Variants in PCDH15 observed in about 807,000 individuals in gnomAD.
PCDH15 encodes protocadherin related 15, also known as protocadherin-15.
A neutral mutation model predicts 178.5 loss-of-function variants in PCDH15; 129 were observed. The ratio of observed to expected loss-of-function variants is 0.72; its 90% CI spans 0.63 to 0.84. PCDH15 has a LOEUF of 0.84. Among genes scored for constraint, PCDH15 ranks in the 40% least tolerant of loss-of-function variants. The pLI is 0.00. For synonymous variants in PCDH15, 800 were observed against 732.0 expected, an observed-to-expected ratio of 1.09 and a Z score of -1.50; for missense variants, 2,230 against 2,099.9, an observed-to-expected ratio of 1.06 and a Z score of -1.21.
At chr10:54,094,848 G>T (rs977372193) in intron 15 of PCDH15, among the ~76,000 whole-genome samples, 1 of 152,094 alleles carries the variant, frequency 6.6e-6, no homozygotes, top group African/African-American at 2.4e-5. Context: ...ATTACTTGCA[G>T]CATCTGACTT....
chr10:54,019,492 A>G (rs1305887273), intron 20 of PCDH15, among the ~76,000 whole-genome samples: 1 of 152,096 alleles, frequency 6.6e-6, no homozygotes, highest in Non-Finnish European at 1.5e-5. Flanking sequence ...AAAGTTTAAG[A>G]TGACGCTCAG....
chr10:54,551,458 T>C (rs2086604570), intron 2 of PCDH15, among the ~76,000 whole-genome samples: 2 of 152,024 alleles, frequency 1.3e-5, no homozygotes, highest in South Asian at 4.1e-4. Context: ...TGAAGCTCAT[T>C]AAAATAAAAT....
At chr10:54,005,250 G>A (rs1030796690) in intron 20 of PCDH15, among the ~76,000 whole-genome samples, 2 of 152,058 alleles carry the variant, frequency 1.3e-5, no homozygotes, top group African/African-American at 4.8e-5. Flanking sequence ...GATAGGACTA[G>A]GCAAAGATTT....
chr10:54,448,398 A>G (rs2136251468), intron 3 of PCDH15, among the ~76,000 whole-genome samples: 1 of 151,786 alleles, frequency 6.6e-6, no homozygotes, highest in Middle Eastern at 3.4e-3. Context: ...TTATTTTCCC[A>G]AGTAAGCTGA....
At chr10:54,330,395 T>C (rs1484026570) in intron 6 of PCDH15, among the ~76,000 whole-genome samples, 1 of 151,912 alleles carries the variant, frequency 6.6e-6, no homozygotes, top group Non-Finnish European at 1.5e-5. Context: ...TGTAACACAA[T>C]GGTCAGTATT....
At chr10:54,617,752 A>G (rs1411139821) in intron 2 of PCDH15, among the ~76,000 whole-genome samples, 4 of 96,204 alleles carry the variant, frequency 4.2e-5, no homozygotes. Context: ...AACTCTAAAA[A>G]TACAAAAAAA....
intron 5 of PCDH15, among the ~76,000 whole-genome samples, chr10:54,359,105 A>G (rs1045548893): frequency 6.6e-6 from 1 of 151,866 alleles, no homozygotes; most frequent in Admixed American, 6.6e-5. Flanking sequence ...GCACATGTGT[A>G]CATATGTAAC....
intron 27 of PCDH15, 49 bp downstream of exon 27, chr10:53,866,593 A>G (rs953324317): frequency 3.6e-6 from 5 of 1,372,292 alleles, no homozygotes; most frequent in South Asian, 1.2e-5. Flanking sequence ...ACACTGACCT[A>G]TGGCTAGTAT....
At chr10:55,067,747 C>T (rs1301738439) in intron 2 of PCDH15, among the ~76,000 whole-genome samples, 1 of 151,666 alleles carries the variant, frequency 6.6e-6, no homozygotes, top group Non-Finnish European at 1.5e-5. Context: ...ACTCTGCCAG[C>T]ATCTGTTACT....
intron 3 of PCDH15, among the ~76,000 whole-genome samples, chr10:54,499,445 A>T (rs919974373): frequency 4.6e-5 from 7 of 152,120 alleles, no homozygotes; most frequent in African/African-American, 1.7e-4. Context: ...CAACAAATTC[A>T]AAAAAAGCAA....
chr10:55,126,049 C>T (rs888234725), intron 2 of PCDH15, among the ~76,000 whole-genome samples: 1 of 151,936 alleles, frequency 6.6e-6, no homozygotes, highest in Non-Finnish European at 1.5e-5. Flanking sequence ...ACTCACAGGT[C>T]CCCCTGGGAT....
intron 1 of PCDH15, among the ~76,000 whole-genome samples, chr10:55,271,854 C>G (rs1842452783): frequency 6.6e-6 from 1 of 152,108 alleles, no homozygotes; most frequent in South Asian, 2.1e-4. Context: ...ACAAGAGATG[C>G]AAATTTTCAT....
At chr10:55,231,741 G>T (rs184061241) in intron 1 of PCDH15, among the ~76,000 whole-genome samples, 1 of 152,036 alleles carries the variant, frequency 6.6e-6, no homozygotes, top group East Asian at 1.9e-4. Flanking sequence ...AAATGAAAAG[G>T]TGATGATTTT....
At chr10:54,543,043 G>T (rs1463529280) in intron 2 of PCDH15, among the ~76,000 whole-genome samples, 1 of 152,162 alleles carries the variant, frequency 6.6e-6, no homozygotes, top group African/African-American at 2.4e-5. Context: ...TGGCACGCGT[G>T]CAGGCCACCC....
At chr10:54,485,722 T>A (rs1295180339) in intron 3 of PCDH15, among the ~76,000 whole-genome samples, 1 of 152,014 alleles carries the variant, frequency 6.6e-6, no homozygotes, top group Non-Finnish European at 1.5e-5. Flanking sequence ...TTTAGCCATT[T>A]ATTTTTCAAA....
chr10:54,140,387 A>T (rs1482996802), intron 14 of PCDH15, among the ~76,000 whole-genome samples: 1 of 152,012 alleles, frequency 6.6e-6, no homozygotes, highest in South Asian at 2.1e-4. Flanking sequence ...CATCAGGTTA[A>T]TTTTTTTTGG....
At chr10:55,203,072 T>G (rs1003503169) in intron 1 of PCDH15, among the ~76,000 whole-genome samples, 10 of 152,140 alleles carry the variant, frequency 6.6e-5, no homozygotes, top group African/African-American at 2.4e-4. Flanking sequence ...AAATCAGTCT[T>G]ATCATGCCCC....
intron 25 of PCDH15, among the ~76,000 whole-genome samples, chr10:53,911,316 C>T (rs548990982): frequency 3.3e-5 from 5 of 152,228 alleles, no homozygotes; most frequent in East Asian, 1.9e-4. Flanking sequence ...CACTCAAAAC[C>T]GCATAACTAC....
intron 2 of PCDH15, among the ~76,000 whole-genome samples, chr10:54,961,596 C>T (rs1838656266): frequency 6.6e-6 from 1 of 152,206 alleles, no homozygotes; most frequent in African/African-American, 2.4e-5. Context: ...ACCATAAAAA[C>T]CCCAGCCAGA....
Sources: gnomAD v4.1 joint callset for allele counts (sites outside exome capture counted in the v4.1 genomes callset) on GRCh38, gnomAD v4.1.1 for gene constraint, MANE v1.5 for transcripts, NCBI Gene and HGNC (gene_info 2026-07-23, HGNC 2026-07-21) for gene names.